The following SLC44A2 variants were observed in gnomAD, a reference collection of about 807,000 sequenced individuals.
SLC44A2 encodes solute carrier family 44 member 2 (CTL2 blood group), also known as choline transporter-like protein 2.
A neutral mutation model predicts 90.8 loss-of-function variants in SLC44A2; 57 were observed. The observed-to-expected ratio is 0.63, with a 90% CI of 0.51 to 0.78. The LOEUF (loss-of-function observed/expected upper bound fraction) is 0.78, where lower values mean the gene tolerates loss of function less well. SLC44A2 is among the 30% of genes least tolerant of loss of function. The probability of loss-of-function intolerance (pLI) is 0.00; values close to 1 mark genes in which losing one functional copy is unlikely to be tolerated. For synonymous variants in SLC44A2, 355 were observed against 360.7 expected, an observed-to-expected ratio of 0.98 and a Z score of 0.18; for missense variants, 794 against 919.7, an observed-to-expected ratio of 0.86 and a Z score of 1.77.
chr19:10,638,661 GACTC>G (rs940582414), intron 20 of SLC44A2, among the ~76,000 whole-genome samples: 7 of 151,464 alleles, frequency 4.6e-5, no homozygotes, highest in Non-Finnish European at 1.0e-4. Context: ...TTTTGAGACA[GACTC>G]ACTCTGTTGC....
intron 20 of SLC44A2, among the ~76,000 whole-genome samples, chr19:10,639,715 C>A (rs2067095735): frequency 6.6e-6 from 1 of 151,640 alleles, no homozygotes; most frequent in Non-Finnish European, 1.5e-5. Context: ...CCAGTCTCTA[C>A]AAAAAAAATA....
rs371866409 is a variant in SLC44A2, at chr19:10,632,106, G to C, written c.773G>C (p.Gly258Ala). The stretch of plus-strand genomic sequence containing the variant: ...ATCATCCTGCTTCGCTTCCTGGCTG[G>C]TATTATGGTCTGGGTGATGATCATC... The part of the protein sequence containing the change: ...LFIILLRFLA[G>A]IMVWVMIIMV... The change falls in exon 10 of 22, where the codon GGT (glycine) becomes GCT (alanine). Residue 258 changes from glycine to alanine, a missense_variant. Around this residue, in one of 3 missense-constraint regions of SLC44A2, gnomAD observed 738 missense variants for 841.1 expected, o/e 0.88. Transcript: ENST00000335757. The C allele has an allele frequency of 1.2e-6, 2 of 1,613,990 alleles. No individual in the cohort carries two copies. Among genetic ancestry groups the C allele is most frequent in the Non-Finnish European group, 1.7e-6 (2 of 1,180,024 alleles).
chr19:10,607,694 A>G (rs1918149651), intron 1 of SLC44A2, among the ~76,000 whole-genome samples: 1 of 149,934 alleles, frequency 6.7e-6, no homozygotes, highest in South Asian at 2.1e-4. Context: ...TACATTGGAG[A>G]GGATCTCTTG....
chr19:10,641,392 TCAAAAAAAAAA>T (rs1018239063), intron 20 of SLC44A2: 36 of 434,744 alleles, frequency 8.3e-5, no homozygotes, highest in African/African-American at 6.1e-4. Context: ...AGACCCTGTC[TCAAAAAAAAAA>T]CAAAAAAAAA....
At position 10,635,116 on chromosome 19, in the gene SLC44A2, A is replaced by G. The variant is rs777293322; in HGVS notation, c.1055+43A>G. On this transcript the variant is annotated intron_variant, in intron 12 of 21. Coordinates refer to ENST00000335757, the MANE Select transcript of SLC44A2 (RefSeq NM_020428.4). ...CAGGGGCCAGGATGGAGCTGTCCCTAGAGTTGTGTCTTTTGCCCTGACGCC... is the reference window on the plus strand; with the variant it reads ...CAGGGGCCAGGATGGAGCTGTCCCTGGAGTTGTGTCTTTTGCCCTGACGCC... 151 of 1,613,106 alleles carry G rather than the reference A, an allele frequency of 9.4e-5. No homozygotes were observed. In the Admixed American group the frequency reaches 2.4e-3, roughly 26 times the overall value.
Position 10,631,045 on chromosome 19 carries a change from C to G in SLC44A2, c.246-12C>G. 1 of 1,591,326 alleles carries G rather than the reference C, an allele frequency of 6.3e-7. No homozygotes were observed. Among genetic ancestry groups the G allele is most frequent in the South Asian group, 1.1e-5 (1 of 89,340 alleles). On this transcript the variant is annotated splice_polypyrimidine_tract_variant and intron_variant, in intron 4 of 21. Transcript: ENST00000335757. Reference sequence around the variant, plus strand: ...ATCTTAACAGTTTCCATTCTCCCTTCTCTAACTCCAGGAACAAACCCTATC... The same window carrying G: ...ATCTTAACAGTTTCCATTCTCCCTTGTCTAACTCCAGGAACAAACCCTATC...
intron 14 of SLC44A2, chr19:10,635,748 T>C: frequency 2.4e-6 from 1 of 415,260 alleles, no homozygotes. Context: ...CCCTGGGTGC[T>C]AAATCACCCA....
At position 10,635,467 on chromosome 19, in the gene SLC44A2, C is replaced by A. The variant is rs1426983685; in HGVS notation, c.1185C>A (p.Ile395=). The A allele has an allele frequency of 2.5e-6, 4 of 1,614,056 alleles. No individual in the cohort carries two copies. Among genetic ancestry groups the A allele is most frequent in the South Asian group, 1.1e-5 (1 of 91,074 alleles). Residue 395 remains isoleucine, a synonymous_variant, in exon 14 of 22, where the codon ATC becomes ATA. Coordinates refer to ENST00000335757, the MANE Select transcript of SLC44A2 (RefSeq NM_020428.4). ...CTTCCAACGAAGCGGTCTATAAGAT[C>A]TTTGATGACAGCCCCTGCCCATTTA... ...LSTSNEAVYK[I]FDDSPCPFTA...
At chr19:10,626,952 G>A (rs1321750404) in intron 2 of SLC44A2, among the ~76,000 whole-genome samples, 1 of 145,662 alleles carries the variant, frequency 6.9e-6, no homozygotes, top group Non-Finnish European at 1.5e-5. Flanking sequence ...GGAGGTTGCA[G>A]TAAGCTGAGA....
chr19:10,634,547 T>C (rs1472490249), intron 10 of SLC44A2, among the ~76,000 whole-genome samples: 2 of 151,644 alleles, frequency 1.3e-5, no homozygotes, highest in Non-Finnish European at 2.9e-5. Flanking sequence ...TTCTGGAAGT[T>C]CTCTTCTGAA....
Position 10,632,172 on chromosome 19 carries a change from C to T in SLC44A2, c.823+16C>T. The T allele has an allele frequency of 6.3e-7, 1 of 1,599,436 alleles. No homozygotes were observed. The highest frequency in any genetic ancestry group is 8.6e-7 in the Non-Finnish European group (1 of 1,166,944). Reference sequence around the variant, plus strand: ...CTGGGCTACGGTGCGTCACCCCCTCCCTGTGGCTTCTCTTTCCTGAATCCG... The same window carrying T: ...CTGGGCTACGGTGCGTCACCCCCTCTCTGTGGCTTCTCTTTCCTGAATCCG... On this transcript the variant is annotated intron_variant, in intron 10 of 21. Coordinates refer to ENST00000335757, the MANE Select transcript of SLC44A2 (RefSeq NM_020428.4).
chr19:10,631,484 G>A lies in SLC44A2; in HGVS notation c.451G>A (p.Glu151Lys), dbSNP rs748376597. Residue 151 changes from glutamate to lysine, a missense_variant, in exon 7 of 22, where the codon GAG becomes AAG. Around this residue, in one of 3 missense-constraint regions of SLC44A2, gnomAD observed 738 missense variants for 841.1 expected, o/e 0.88. Coordinates refer to ENST00000335757, the MANE Select transcript of SLC44A2 (RefSeq NM_020428.4). ...PGFKNNKGVAEVLQDGDCPAV... is the reference protein window; with the variant it reads ...PGFKNNKGVAKVLQDGDCPAV... ...CCATCTCTCTTGGCAGGGAGTGGCT[G>A]AGGTGCTTCAAGATGGTGACTGCCC... 6.2e-6 allele frequency: 10 copies of A among 1,613,962 alleles called. No individual in the cohort carries two copies. The South Asian group carries it at 9.9e-5, about 16-fold the overall frequency.
At chr19:10,621,908 C>T (rs964566797), upstream of SLC44A2, among the ~76,000 whole-genome samples, 1 of 152,196 alleles carries the variant, frequency 6.6e-6, no homozygotes, top group Non-Finnish European at 1.5e-5. Context: ...TGAGCCACTG[C>T]GCCTGGCCTC....
At chr19:10,609,148 G>A (rs552096044) in intron 1 of SLC44A2, among the ~76,000 whole-genome samples, 6 of 151,830 alleles carry the variant, frequency 4.0e-5, no homozygotes, top group African/African-American at 1.4e-4. Context: ...GGTAGAGACG[G>A]GGTTTCACCA....
At chr19:10,635,592 T>G in intron 14 of SLC44A2, 77 bp downstream of exon 14, 1 of 1,328,080 alleles carries the variant, frequency 7.5e-7, no homozygotes, top group African/African-American at 1.5e-5. Flanking sequence ...CATGTCCACT[T>G]GGAGGTTCAG....
intron 16 of SLC44A2, 91 bp from the exon 17 acceptor site, chr19:10,637,553 C>A: frequency 1.7e-6 from 2 of 1,179,606 alleles, no homozygotes; most frequent in Non-Finnish European, 2.5e-6. Context: ...GAGACCTGGA[C>A]ATTGGCAAGT....
intron 21 of SLC44A2, chr19:10,642,919 C>T (rs753768707): frequency 4.4e-6 from 7 of 1,593,800 alleles, no homozygotes; most frequent in Middle Eastern, 1.7e-4. Flanking sequence ...AAAGGAATGA[C>T]GGCTCTCAGG....
chr19:10,617,835 C>T (rs1207970138), intron 1 of SLC44A2, among the ~76,000 whole-genome samples: 1 of 152,180 alleles, frequency 6.6e-6, no homozygotes, highest in Non-Finnish European at 1.5e-5. Context: ...TATGCAGCCG[C>T]TCACCCTCTG....
chr19:10,622,958 G>C (rs911717814), upstream of SLC44A2, among the ~76,000 whole-genome samples: 2 of 152,282 alleles, frequency 1.3e-5, no homozygotes, highest in South Asian at 2.1e-4. Flanking sequence ...ACGTGTGTTG[G>C]GGGGAGACAG....
Sources: gnomAD v4.1 joint callset for allele counts (sites outside exome capture counted in the v4.1 genomes callset) on GRCh38, gnomAD v4.1.1 for gene constraint, gnomAD v4.1.1 regional missense constraint, MANE v1.5 for transcripts, NCBI Gene and HGNC (gene_info 2026-07-23, HGNC 2026-07-21) for gene names.